The following SETDB2 variants were observed in gnomAD, a reference collection of about 807,000 sequenced individuals.
The protein encoded by SETDB2 is histone-lysine N-methyltransferase SETDB2.
SETDB2 carries 56 observed loss-of-function variants against 82.5 expected under a neutral mutation model. The observed-to-expected ratio is 0.68, with a 90% CI of 0.55 to 0.85. SETDB2 has a LOEUF of 0.85. Among genes scored for constraint, SETDB2 ranks in the 40% least tolerant of loss-of-function variants. SETDB2 has a pLI of 0.00. For missense variants in SETDB2, 677 were observed against 816.4 expected (o/e 0.83, Z 2.08); for synonymous variants, 272 against 284.9 (o/e 0.95, Z 0.46).
In SETDB2 at chr13:49,494,707, A is replaced by G. The variant is rs1958773014; in HGVS notation, c.*2858A>G. 1 of 151,762 alleles carries G rather than the reference A, an allele frequency of 6.6e-6. No homozygotes were observed. The highest frequency in any genetic ancestry group is 1.5e-5 in the Non-Finnish European group (1 of 67,976). 9.4% of individuals were successfully genotyped at this position (151,762 alleles called of 1,614,324 possible). A position where few individuals can be genotyped will look rare whatever the true frequency, so the allele number is the denominator to read the frequency against. ...CACTTCCCTGTTTTGCAGACCCCACACTCTTCTGCAATTCATTTCATAGTT... is the reference window on the plus strand; with the variant it reads ...CACTTCCCTGTTTTGCAGACCCCACGCTCTTCTGCAATTCATTTCATAGTT... On this transcript the variant is annotated 3_prime_UTR_variant, in exon 14 of 14. Coordinates refer to ENST00000611815, the MANE Select transcript of SETDB2 (RefSeq NM_001160308.3).
chr13:49,449,516 G>A (rs536052302), intron 1 of SETDB2, among the ~76,000 whole-genome samples: 2 of 152,220 alleles, frequency 1.3e-5, no homozygotes, highest in East Asian at 1.9e-4. Context: ...CTCCCAAAGC[G>A]CTGGCATCAC....
At chr13:49,486,095 A>G (rs1397052978) in intron 11 of SETDB2, among the ~76,000 whole-genome samples, 1 of 152,070 alleles carries the variant, frequency 6.6e-6, no homozygotes. Context: ...CCAAGGCAGG[A>G]GGGCTGCTTG....
chr13:49,487,820 G>A (rs1958626644), intron 11 of SETDB2, among the ~76,000 whole-genome samples: 1 of 152,204 alleles, frequency 6.6e-6, no homozygotes, highest in Non-Finnish European at 1.5e-5. Flanking sequence ...AGTTGTCACT[G>A]CTGGGACTTG....
In SETDB2 at chr13:49,488,702, G is replaced by A. The variant is rs1958643185; in HGVS notation, c.1917+72G>A. 8.9e-6 allele frequency: 11 copies of A among 1,239,574 alleles called. No individual in the cohort carries two copies. In the South Asian group the frequency reaches 1.7e-4, roughly 19 times the overall value. 76.8% of individuals were successfully genotyped at this position (1,239,574 alleles called of 1,614,324 possible). On this transcript the variant is annotated intron_variant, in intron 12 of 13. Coordinates refer to ENST00000611815, the MANE Select transcript of SETDB2 (RefSeq NM_001160308.3). Reference sequence around the variant, plus strand: ...CTATGCTACTTAACAAAATTATGAGGAAAATAAACAGACTCTAAAGTCAGA... The same window carrying A: ...CTATGCTACTTAACAAAATTATGAGAAAAATAAACAGACTCTAAAGTCAGA...
At chr13:49,473,591 A>T (rs1044722664) in intron 5 of SETDB2, among the ~76,000 whole-genome samples, 5 of 151,892 alleles carry the variant, frequency 3.3e-5, no homozygotes, top group Non-Finnish European at 2.9e-5. Context: ...GCAAAATGTC[A>T]AATGACATTT....
chr13:49,481,853 A>G (rs771954793), intron 8 of SETDB2, among the ~76,000 whole-genome samples: 5 of 152,202 alleles, frequency 3.3e-5, no homozygotes, highest in Non-Finnish European at 5.9e-5. Context: ...GCAGTTAGGC[A>G]TCAGGGAAAA....
chr13:49,491,006 A>G (rs1261434749), intron 13 of SETDB2, 96 bp downstream of exon 13: 1 of 966,950 alleles, frequency 1.0e-6, no homozygotes, highest in Non-Finnish European at 1.5e-6. Flanking sequence ...TAATCCCAGC[A>G]CTTTGGGAGG....
chr13:49,482,842 A>T lies in SETDB2; in HGVS notation c.1262A>T (p.Glu421Val), dbSNP rs1274181930. Residue 421 changes from glutamate (E) to valine (V), a missense_variant, in exon 9 of 14, where the codon GAA becomes GTA. By Grantham distance (121) the Glu-to-Val change is moderately radical (BLOSUM62 -2). Transcript: ENST00000611815. ...ATATTTTCAAAAAAGAGGAAATTAG[A>T]AGTTGCATGTTCAGATTGTGAAGTT... The part of the protein sequence containing the change: ...KNIFSKKRKL[E>V]VACSDCEVEV... The T allele has an allele frequency of 6.2e-7, 1 of 1,612,524 alleles. No individual in the cohort carries two copies. The highest frequency in any genetic ancestry group is 8.5e-7 in the Non-Finnish European group (1 of 1,178,902).
In SETDB2 at chr13:49,447,123, A is replaced by G. The variant is rs534633538; in HGVS notation, c.-342+2266A>G. On this transcript the variant is annotated intron_variant, in intron 1 of 13. Coordinates refer to ENST00000611815, the MANE Select transcript of SETDB2 (RefSeq NM_001160308.3). ...TCTGTGATCTAAGATTGAAGTGTCTATTATGTTTGTTAACCTATAATTTAT... is the reference window on the plus strand; with the variant it reads ...TCTGTGATCTAAGATTGAAGTGTCTGTTATGTTTGTTAACCTATAATTTAT... Among the ~76,000 whole-genome samples the G allele has an allele frequency of 5.3e-5, 8 of 152,130 alleles. No individual in the cohort carries two copies. The South Asian group carries it at 6.2e-4, about 12-fold the overall frequency.
At chr13:49,450,720 A>G (rs920443366) in intron 1 of SETDB2, among the ~76,000 whole-genome samples, 1 of 151,822 alleles carries the variant, frequency 6.6e-6, no homozygotes, top group African/African-American at 2.4e-5. Flanking sequence ...TAACATTTCC[A>G]TGGTTTGGTG....
rs141076423 is a variant in SETDB2 at position 49,448,325 on chromosome 13, A to G, written c.-341-3228A>G. 9.3e-4 allele frequency among the ~76,000 whole-genome samples: 141 copies of G among 152,246 alleles called. 4 individuals are homozygous for G. The East Asian group carries it at 0.025, about 27-fold the overall frequency. On this transcript the variant is annotated intron_variant, in intron 1 of 13. Coordinates refer to ENST00000611815, the MANE Select transcript of SETDB2 (RefSeq NM_001160308.3). Reference sequence around the variant, plus strand: ...AAATCTCTTCAGTAGCTAGAGATCTATCTTCATTTGTTATTATTTATTTTG... The same window carrying G: ...AAATCTCTTCAGTAGCTAGAGATCTGTCTTCATTTGTTATTATTTATTTTG...
intron 3 of SETDB2, among the ~76,000 whole-genome samples, chr13:49,460,620 CAGTT>C (rs763040610): frequency 3.3e-5 from 5 of 150,670 alleles, no homozygotes; most frequent in Non-Finnish European, 5.9e-5. Flanking sequence ...TCTACATAGG[CAGTT>C]AGTTCAGTAA....
In SETDB2 at chr13:49,467,772, C is replaced by G. The variant is rs906595404; in HGVS notation, c.209-92C>G. 3.6e-6 allele frequency: 3 copies of G among 844,422 alleles called. No homozygotes were observed. The African/African-American group carries it at 5.2e-5, about 15-fold the overall frequency. 52.3% of individuals were successfully genotyped at this position (844,422 alleles called of 1,614,324 possible). A position where few individuals can be genotyped will look rare whatever the true frequency, so the allele number is the denominator to read the frequency against. On this transcript the variant is annotated intron_variant, in intron 4 of 13. Transcript: ENST00000611815. ...TGCAAATTTTAGGGATCCATATGGG[C>G]AGACTCTAGTCAATGAACATATTAC... is the stretch of plus-strand genomic sequence containing the variant.
At chr13:49,464,481 G>A (rs1396176152) in intron 4 of SETDB2, among the ~76,000 whole-genome samples, 1 of 152,162 alleles carries the variant, frequency 6.6e-6, no homozygotes, top group African/African-American at 2.4e-5. Flanking sequence ...AAGAAAAATG[G>A]TAACAACTAA....
intron 10 of SETDB2, 45 bp downstream of exon 10, chr13:49,483,608 AATTTTTTTTT>A (rs1958523613): frequency 1.8e-5 from 9 of 490,602 alleles, no homozygotes; most frequent in South Asian, 7.9e-5. Context: ...TTCTTTTTTA[AATTTTTTTTT>A]TTTTTTTTTT....
chr13:49,468,714 T>C (rs921404309), intron 5 of SETDB2, among the ~76,000 whole-genome samples: 7 of 152,050 alleles, frequency 4.6e-5, no homozygotes, highest in African/African-American at 1.4e-4. Context: ...GAGTTGTAGA[T>C]AGACACTGTT....
rs571898918 is a variant in SETDB2 at position 49,478,592 on chromosome 13, T to A, written c.869+1553T>A. Among the ~76,000 whole-genome samples, 54 of 152,222 alleles carry A rather than the reference T, an allele frequency of 3.5e-4. 1 individual carries two copies. The highest frequency in any genetic ancestry group is 3.4e-3 in the Middle Eastern group (1 of 294). ...ACACCTGAGGAATCAGAGGTAAATG[T>A]TGAATCTAATTGAAAGGGATTTTAA... On this transcript the variant is annotated intron_variant, in intron 6 of 13. Transcript: ENST00000611815.
intron 5 of SETDB2, among the ~76,000 whole-genome samples, chr13:49,469,182 T>G (rs1227347575): frequency 1.3e-5 from 2 of 152,226 alleles, no homozygotes; most frequent in Non-Finnish European, 2.9e-5. Context: ...ATAAGCTTTC[T>G]AATCTTCATT....
chr13:49,449,320 G>A lies in SETDB2; in HGVS notation c.-341-2233G>A, dbSNP rs1157048757. ...GGCTGGAGTACAGTGGCGTGATCTC[G>A]GCTCACTGCAACCTCTGCCTCCCAG... On this transcript the variant is annotated intron_variant, in intron 1 of 13. Coordinates refer to ENST00000611815, the MANE Select transcript of SETDB2 (RefSeq NM_001160308.3). Among the ~76,000 whole-genome samples the A allele has an allele frequency of 1.3e-4, 19 of 151,952 alleles. No homozygotes were observed. In the Middle Eastern group the frequency reaches 0.01, roughly 82 times the overall value.
Sources: allele counts gnomAD v4.1 joint callset (sites outside exome capture counted in the v4.1 genomes callset), GRCh38; gene constraint gnomAD v4.1.1; transcripts MANE v1.5; gene names NCBI Gene and HGNC (gene_info 2026-07-23, HGNC 2026-07-21).